Variants in PHLDB2 observed in about 807,000 individuals in gnomAD.
PHLDB2 encodes the protein pleckstrin homology like domain family B member 2.
Under a neutral mutation model 123.6 loss-of-function variants are expected in PHLDB2, and 71 were observed. The ratio of observed to expected loss-of-function variants is 0.57; its 90% confidence interval spans 0.47 to 0.70. The LOEUF (loss-of-function observed/expected upper bound fraction) is 0.70, where lower values mean the gene tolerates loss of function less well. Ranked by LOEUF, PHLDB2 falls within the 30% of genes least tolerant of loss-of-function variation. The probability of loss-of-function intolerance (pLI) is 0.00; values close to 1 mark genes in which losing one functional copy is unlikely to be tolerated. For missense variants in PHLDB2, 1,446 were observed against 1,519.5 expected (o/e 0.95, Z 0.80); for synonymous variants, 547 against 541.6 (o/e 1.01, Z -0.14).
Position 111,798,962 on chromosome 3 carries a change from T to C in PHLDB2, c.-48-46859T>C, listed in dbSNP as rs533209364. Among the ~76,000 whole-genome samples the C allele has an allele frequency of 3.1e-4, 47 of 152,262 alleles. 1 individual carries two copies. The highest frequency in any genetic ancestry group is 2.5e-3 in the Admixed American group (39 of 15,296). ...GGTTTGATTGACTCACAGTTCAGCA[T>C]GGCTAGGGAGGCCCTAGGAAACTTA... On this transcript the variant is annotated intron_variant, in intron 1 of 17. Coordinates refer to the PHLDB2 transcript ENST00000393923.
intron 1 of PHLDB2, among the ~76,000 whole-genome samples, chr3:111,786,850 T>A (rs2060698926): frequency 6.6e-6 from 1 of 152,174 alleles, no homozygotes; most frequent in Non-Finnish European, 1.5e-5. Context: ...AATGACATAG[T>A]CAGGTTTTCA....
intron 1 of PHLDB2, among the ~76,000 whole-genome samples, chr3:111,785,228 A>T (rs960561905): frequency 2.0e-5 from 3 of 151,974 alleles, no homozygotes; most frequent in African/African-American, 7.2e-5. Flanking sequence ...TTCATTTGTG[A>T]CTCACTTATT....
At chr3:111,930,780 G>A (rs1027267806) in intron 5 of PHLDB2, among the ~76,000 whole-genome samples, 23 of 152,278 alleles carry the variant, frequency 1.5e-4, no homozygotes, top group African/African-American at 5.5e-4. Flanking sequence ...ATTGAAGATC[G>A]AAGAAATTTT....
intron 1 of PHLDB2, among the ~76,000 whole-genome samples, chr3:111,733,035 C>T (rs1052830834): frequency 6.6e-6 from 1 of 152,026 alleles, no homozygotes; most frequent in Non-Finnish European, 1.5e-5. Flanking sequence ...TGGTTTTGTT[C>T]CAGAATTTTC....
chr3:111,768,735 G>A lies in PHLDB2; in HGVS notation c.-49+36032G>A, dbSNP rs113942774. On this transcript the variant is annotated intron_variant, in intron 1 of 17. Transcript: ENST00000393923. ...CTGCCTGGGATTTAAATGTCTTCCT[G>A]TGTAATCTCATCACCCAAGTCCACC... Among the ~76,000 whole-genome samples the A allele has an allele frequency of 9.7e-3, 1,476 of 152,254 alleles. 16 individuals are homozygous for A. Among genetic ancestry groups the A allele is most frequent in the African/African-American group, 0.032 (1,344 of 41,542 alleles).
intron 1 of PHLDB2, among the ~76,000 whole-genome samples, chr3:111,793,343 G>A (rs2061011313): frequency 6.6e-6 from 1 of 151,998 alleles, no homozygotes; most frequent in African/African-American, 2.4e-5. Context: ...AATACTGCTT[G>A]GCTACTACTG....
chr3:111,859,959 GC>G, intron 1 of PHLDB2: 1 of 963,594 alleles, frequency 1.0e-6, no homozygotes, highest in East Asian at 1.2e-4. Flanking sequence ...GGTCGGCAGT[GC>G]CCAGGCTGCG....
chr3:111,841,974 C>A (rs1329938967), intron 1 of PHLDB2, among the ~76,000 whole-genome samples: 1 of 152,214 alleles, frequency 6.6e-6, no homozygotes, highest in Non-Finnish European at 1.5e-5. Context: ...AAGGAACAGA[C>A]TCACACAGAT....
chr3:111,800,839 G>C (rs2061349026), intron 1 of PHLDB2, among the ~76,000 whole-genome samples: 1 of 152,126 alleles, frequency 6.6e-6, no homozygotes, highest in African/African-American at 2.4e-5. Flanking sequence ...GAACACAAAA[G>C]AAAGCTTACT....
intron 2 of PHLDB2, among the ~76,000 whole-genome samples, chr3:111,854,160 GACACTTACAAA>G (rs1459738630): frequency 6.6e-6 from 1 of 152,172 alleles, no homozygotes; most frequent in African/African-American, 2.4e-5. Context: ...GGAAATGCCA[GACACTTACAAA>G]ACCATCAGAT....
chr3:111,841,726 T>C (rs1350907207), intron 1 of PHLDB2, among the ~76,000 whole-genome samples: 1 of 152,194 alleles, frequency 6.6e-6, no homozygotes, highest in Non-Finnish European at 1.5e-5. Context: ...AGAGTGAACA[T>C]TTATCAATAC....
chr3:111,855,224 G>A (rs773330150), upstream of PHLDB2, among the ~76,000 whole-genome samples: 4 of 152,118 alleles, frequency 2.6e-5, no homozygotes, highest in Non-Finnish European at 2.9e-5. Context: ...GTAAGATCAG[G>A]GACTGTAACC....
Position 111,859,524 on chromosome 3 carries a change from A to AG in PHLDB2, c.-65dup. On this transcript the variant is annotated 5_prime_UTR_variant, in exon 1 of 18. Transcript: ENST00000431670. ...GGGCCCGACGGTGTGGCGTGGCGCA[A>AG]GGAGCGCGCCTGCCTTCTCTCGCCG... 2 of 985,646 alleles carry AG rather than the reference A, an allele frequency of 2.0e-6. No homozygotes were observed. Among genetic ancestry groups the AG allele is most frequent in the Non-Finnish European group, 2.4e-6 (2 of 830,096 alleles). The allele number at this position is 985,646 out of a possible 1,614,324, so 61.1% of individuals were successfully genotyped here.
chr3:111,780,402 A>AGAGGAAGAAGAAGAAGAAG (rs2060414525), intron 1 of PHLDB2, among the ~76,000 whole-genome samples: 1 of 145,814 alleles, frequency 6.9e-6, no homozygotes, highest in Non-Finnish European at 1.5e-5. Flanking sequence ...AAGAAGAAGA[A>AGAGGAAGAAGAAGAAGAAG]GAAGAAGAAA....
In PHLDB2 at chr3:111,805,261, A is replaced by G. The variant is rs530127606; in HGVS notation, c.-48-40560A>G. Reference sequence around the variant, plus strand: ...TCCATACAAGCTAATACTACTCAACAATAAAAAAAATTACTGGGGCCGGGC... The same window carrying G: ...TCCATACAAGCTAATACTACTCAACGATAAAAAAAATTACTGGGGCCGGGC... On this transcript the variant is annotated intron_variant, in intron 1 of 17. Transcript: ENST00000393923. 1.3e-3 allele frequency among the ~76,000 whole-genome samples: 196 copies of G among 152,270 alleles called. 1 individual carries two copies. The highest frequency in any genetic ancestry group is 4.7e-3 in the African/African-American group (194 of 41,554).
chr3:111,796,810 G>T (rs2061181767), intron 1 of PHLDB2, among the ~76,000 whole-genome samples: 1 of 152,140 alleles, frequency 6.6e-6, no homozygotes, highest in African/African-American at 2.4e-5. Context: ...ACTGTGCCTG[G>T]CCCAAGAGGG....
chr3:111,827,684 T>C (rs1211781478), intron 1 of PHLDB2, among the ~76,000 whole-genome samples: 1 of 45,070 alleles, frequency 2.2e-5, no homozygotes, highest in African/African-American at 1.3e-4. Flanking sequence ...AGAATCCGTC[T>C]CAAAAAAAAA....
chr3:111,904,536 G>A (rs1004272406), intron 2 of PHLDB2, among the ~76,000 whole-genome samples: 2 of 152,186 alleles, frequency 1.3e-5, no homozygotes, highest in Non-Finnish European at 2.9e-5. Flanking sequence ...GGAATGAGTG[G>A]AGATGGAAGT....
intron 2 of PHLDB2, among the ~76,000 whole-genome samples, chr3:111,897,133 T>C (rs999940598): frequency 1.3e-5 from 2 of 152,234 alleles, no homozygotes; most frequent in African/African-American, 4.8e-5. Flanking sequence ...CACTGATTTC[T>C]TCTCCATTTC....
Sources: allele counts gnomAD v4.1 joint callset (sites outside exome capture counted in the v4.1 genomes callset), GRCh38; gene constraint gnomAD v4.1.1; transcripts MANE v1.5; gene names NCBI Gene and HGNC (gene_info 2026-07-23, HGNC 2026-07-21).